The following RAB6A variants were observed in gnomAD, a reference collection of about 807,000 sequenced individuals.
RAB6A encodes the protein RAB6A, member RAS oncogene family, also known as ras-related protein Rab-6A.
In RAB6A, 8 loss-of-function variants were observed where a neutral mutation model predicts 32.3. The observed-to-expected ratio is 0.25, with a 90% CI of 0.15 to 0.45. The LOEUF is 0.45. RAB6A is among the 20% of genes least tolerant of loss of function. The pLI is 1.00. For missense variants in RAB6A, 104 were observed against 249.4 expected, an observed-to-expected ratio of 0.42 and a Z score of 3.93; for synonymous variants, 73 against 82.1, an observed-to-expected ratio of 0.89 and a Z score of 0.60.
At chr11:73,697,606 CA>C (rs1945674546) in intron 6 of RAB6A, among the ~76,000 whole-genome samples, 1 of 152,134 alleles carries the variant, frequency 6.6e-6, no homozygotes, top group African/African-American at 2.4e-5. Context: ...TTCAGTCTCC[CA>C]AAACACTGGG....
chr11:73,727,621 A>G (rs1245700191), intron 2 of RAB6A, among the ~76,000 whole-genome samples: 1 of 152,212 alleles, frequency 6.6e-6, no homozygotes, highest in East Asian at 1.9e-4. Flanking sequence ...GGCTCATTAC[A>G]TAGCTTTCCT....
At chr11:73,752,598 G>A (rs60280112) in intron 1 of RAB6A, among the ~76,000 whole-genome samples, 9 of 152,050 alleles carry the variant, frequency 5.9e-5, no homozygotes, top group Admixed American at 1.3e-4. Flanking sequence ...CAGGCAGATC[G>A]CATGAGCTCA....
intron 2 of RAB6A, among the ~76,000 whole-genome samples, chr11:73,727,651 T>G (rs991148942): frequency 2.0e-5 from 3 of 152,214 alleles, no homozygotes; most frequent in South Asian, 2.1e-4. Context: ...ATGCCCATGT[T>G]TTTGTTTTTC....
chr11:73,720,415 C>G (rs1344439788), intron 3 of RAB6A, among the ~76,000 whole-genome samples: 1 of 152,058 alleles, frequency 6.6e-6, no homozygotes, highest in Non-Finnish European at 1.5e-5. Context: ...CTCCTGACCT[C>G]AGATGATCCA....
chr11:73,687,226 G>C lies in RAB6A; in HGVS notation c.496-7506C>G, dbSNP rs112242025. 5.3e-3 allele frequency among the ~76,000 whole-genome samples: 807 copies of C among 152,222 alleles called. 7 individuals carry two copies. Among genetic ancestry groups the C allele is most frequent in the African/African-American group, 0.019 (770 of 41,542 alleles). On this transcript the variant is annotated intron_variant, in intron 6 of 7. Coordinates refer to ENST00000336083, the MANE Select transcript of RAB6A (RefSeq NM_198896.2). The stretch of plus-strand genomic sequence containing the variant: ...GGCTGGCTGTCAATGGCTGGGGGAA[G>C]GGGGAAATAAGGAGTTATTATTTAA...
At chr11:73,716,809 T>C (rs890764303) in intron 4 of RAB6A, among the ~76,000 whole-genome samples, 8 of 152,222 alleles carry the variant, frequency 5.3e-5, no homozygotes, top group South Asian at 2.1e-4. Flanking sequence ...AGCCTTTCAA[T>C]AGCTTTCAAC....
At chr11:73,691,208 G>A (rs1945555041) in intron 6 of RAB6A, among the ~76,000 whole-genome samples, 1 of 152,150 alleles carries the variant, frequency 6.6e-6, no homozygotes, top group African/African-American at 2.4e-5. Flanking sequence ...GGGGTGAGGG[G>A]CTGCCAAGGG....
At chr11:73,736,998 G>GA (rs1555066535) in intron 1 of RAB6A, among the ~76,000 whole-genome samples, 2 of 128,908 alleles carry the variant, frequency 1.6e-5, no homozygotes, top group Non-Finnish European at 3.4e-5. Flanking sequence ...AAAAAAAAAA[G>GA]AAGAAAGAAA....
Position 73,744,511 on chromosome 11 carries a change from CAAAAAAAAAAAAAAAAAAAAA to C in RAB6A, c.71-13709_71-13689del, listed in dbSNP as rs555388622. 1.9e-4 allele frequency among the ~76,000 whole-genome samples: 12 copies of C among 63,772 alleles called. 1 individual carries two copies. The highest frequency in any genetic ancestry group is 2.4e-4 in the Non-Finnish European group (9 of 37,508). The allele number at this position is 63,772 out of a possible 152,430, so 41.8% of individuals were successfully genotyped here. A position where few individuals can be genotyped will look rare whatever the true frequency, so the allele number is the denominator to read the frequency against. On this transcript the variant is annotated intron_variant, in intron 1 of 7. Coordinates refer to ENST00000336083, the MANE Select transcript of RAB6A (RefSeq NM_198896.2). ...GGGCAACAGAGTGAGACCCTGTCTCCAAAAAAAAAAAAAAAAAAAAAAAAAAAAAAAAAAAAGAATTTTAGA... is the reference window on the plus strand; with the variant it reads ...GGGCAACAGAGTGAGACCCTGTCTCCAAAAAAAAAAAAAAAGAATTTTAGA...
In RAB6A at chr11:73,760,003, C is replaced by G. The variant is rs564970124; in HGVS notation, c.70+563G>C. On this transcript the variant is annotated intron_variant, in intron 1 of 7. Coordinates refer to ENST00000336083, the MANE Select transcript of RAB6A (RefSeq NM_198896.2). ...TCTATGGCCCAGACTAATTTCCCACCCAGGTGAAAATCATTTAATTTTTTC... is the reference window on the plus strand; with the variant it reads ...TCTATGGCCCAGACTAATTTCCCACGCAGGTGAAAATCATTTAATTTTTTC... 9.3e-6 allele frequency: 12 copies of G among 1,284,836 alleles called. No individual in the cohort carries two copies. The South Asian group carries it at 1.2e-4, about 13-fold the overall frequency. The allele number at this position is 1,284,836 out of a possible 1,614,324, so 79.6% of individuals were successfully genotyped here.
chr11:73,728,342 G>GT (rs1946253055), intron 2 of RAB6A, among the ~76,000 whole-genome samples: 1 of 152,006 alleles, frequency 6.6e-6, no homozygotes, highest in Admixed American at 6.6e-5. Context: ...GCTTGTTGTT[G>GT]TATGTTTTTA....
intron 1 of RAB6A, among the ~76,000 whole-genome samples, chr11:73,742,443 A>G (rs1946512517): frequency 6.6e-6 from 1 of 152,196 alleles, no homozygotes; most frequent in African/African-American, 2.4e-5. Flanking sequence ...CAGACAAAAA[A>G]ACTTGTTTAA....
chr11:73,701,651 G>A (rs779440026), intron 6 of RAB6A, among the ~76,000 whole-genome samples: 20 of 151,576 alleles, frequency 1.3e-4, no homozygotes, highest in African/African-American at 2.2e-4. Context: ...TTTTTCTTTC[G>A]TGTTTTTTGT....
At chr11:73,725,725 C>T (rs544790098) in intron 2 of RAB6A, among the ~76,000 whole-genome samples, 9 of 152,166 alleles carry the variant, frequency 5.9e-5, no homozygotes, top group African/African-American at 1.9e-4. Flanking sequence ...GTGGGAGTTA[C>T]AATTCAAGAT....
chr11:73,743,345 T>A (rs1366902669), intron 1 of RAB6A, among the ~76,000 whole-genome samples: 2 of 151,434 alleles, frequency 1.3e-5, no homozygotes, highest in Non-Finnish European at 2.9e-5. Flanking sequence ...GAAAGCACTG[T>A]CAGTGTCCAA....
intron 6 of RAB6A, among the ~76,000 whole-genome samples, chr11:73,706,256 C>A (rs1274785672): frequency 6.6e-6 from 1 of 152,078 alleles, no homozygotes; most frequent in Non-Finnish European, 1.5e-5. Flanking sequence ...TGGCTCACAC[C>A]TGTAATCCCA....
chr11:73,699,561 C>A (rs535784420), intron 6 of RAB6A, among the ~76,000 whole-genome samples: 2 of 152,326 alleles, frequency 1.3e-5, no homozygotes, highest in African/African-American at 4.8e-5. Flanking sequence ...TGAGCCACTG[C>A]GCCTGGCCTT....
intron 6 of RAB6A, 151 bp from the exon 7 acceptor site, chr11:73,679,871 G>C: frequency 1.1e-6 from 1 of 908,726 alleles, no homozygotes; most frequent in Non-Finnish European, 1.7e-6. Flanking sequence ...GAGGTGGGCA[G>C]ATCACTTGAG....
chr11:73,700,610 G>GTGTGTGTGTGTGTGT (rs1491147897), intron 6 of RAB6A, among the ~76,000 whole-genome samples: 1 of 12,672 alleles, frequency 7.9e-5, no homozygotes, highest in African/African-American at 1.6e-4. Context: ...GTGTGTGTGT[G>GTGTGTGTGTGTGTGT]GGGGGGGGGG....
Sources: gnomAD v4.1 joint callset for allele counts (sites outside exome capture counted in the v4.1 genomes callset) on GRCh38, gnomAD v4.1.1 for gene constraint, MANE v1.5 for transcripts, NCBI Gene and HGNC (gene_info 2026-07-23, HGNC 2026-07-21) for gene names.